IL1RAPL2: variants seen among roughly 807,000 people sequenced by gnomAD.
The protein encoded by IL1RAPL2 is interleukin 1 receptor accessory protein like 2.
In IL1RAPL2, 3 loss-of-function variants were observed where a neutral mutation model predicts 44.1. The observed-to-expected ratio is 0.07, with a 90% CI of 0.03 to 0.18. IL1RAPL2 has a LOEUF of 0.18. Among genes scored for constraint, IL1RAPL2 ranks in the 10% least tolerant of loss-of-function variants. The pLI, the probability that IL1RAPL2 is intolerant of heterozygous loss-of-function variation, is 1.00. For synonymous variants in IL1RAPL2, 181 were observed against 178.8 expected, an observed-to-expected ratio of 1.01 and a Z score of -0.10; for missense variants, 391 against 496.4, an observed-to-expected ratio of 0.79 and a Z score of 2.02.
At chrX:104,594,639 AAT>A (rs767735396) in intron 1 of IL1RAPL2, among the ~76,000 whole-genome samples, 3 of 112,412 alleles carry the variant, frequency 2.7e-5, no homozygotes, top group South Asian at 7.4e-4. Flanking sequence ...TAAATAAATA[AAT>A]ATGTTATTAC....
intron 6 of IL1RAPL2, among the ~76,000 whole-genome samples, chrX:105,588,140 T>C (rs1029969912): frequency 9.0e-6 from 1 of 111,354 alleles, no homozygotes; most frequent in Non-Finnish European, 1.9e-5. Flanking sequence ...ATTAATTTAT[T>C]TCTTCATTAT....
At chrX:105,024,025 C>T (rs746991125) in intron 2 of IL1RAPL2, among the ~76,000 whole-genome samples, 1 of 111,403 alleles carries the variant, frequency 9.0e-6, no homozygotes, top group Non-Finnish European at 1.9e-5. Context: ...AGTTGAAGAA[C>T]TGTATGTAGC....
intron 5 of IL1RAPL2, among the ~76,000 whole-genome samples, chrX:105,330,890 A>C (rs1237761077): frequency 3.6e-5 from 4 of 111,538 alleles, no homozygotes; most frequent in African/African-American, 1.3e-4. Flanking sequence ...TCCACATTGC[A>C]ACCAGAAATA....
intron 2 of IL1RAPL2, among the ~76,000 whole-genome samples, chrX:104,840,397 G>T (rs1004662642): frequency 1.8e-5 from 2 of 111,899 alleles, no homozygotes; most frequent in Non-Finnish European, 3.8e-5. Flanking sequence ...TTAATCCTGT[G>T]TTCTAATTTG....
intron 2 of IL1RAPL2, among the ~76,000 whole-genome samples, chrX:104,931,482 G>T (rs894761385): frequency 9.1e-6 from 1 of 110,142 alleles, no homozygotes; most frequent in Admixed American, 9.8e-5. Flanking sequence ...ATTGGAGAAG[G>T]TTAGAAAGAT....
intron 6 of IL1RAPL2, among the ~76,000 whole-genome samples, chrX:105,640,797 TAGAGAG>T (rs1156976472): frequency 7.1e-5 from 6 of 85,014 alleles, no homozygotes; most frequent in Non-Finnish European, 1.2e-4. Flanking sequence ...TAGATATAGA[TAGAGAG>T]AGAGACCGAG....
intron 5 of IL1RAPL2, among the ~76,000 whole-genome samples, chrX:105,352,095 A>G (rs1239810971): frequency 9.7e-6 from 1 of 102,796 alleles, no homozygotes; most frequent in Non-Finnish European, 1.9e-5. Flanking sequence ...GCTAATTTAA[A>G]AAACAATTTT....
chrX:105,542,007 C>T (rs919233187), intron 6 of IL1RAPL2, among the ~76,000 whole-genome samples: 1 of 111,696 alleles, frequency 9.0e-6, no homozygotes, highest in Non-Finnish European at 1.9e-5. Context: ...TCTGCACATC[C>T]ACTGATTCTT....
chrX:104,896,453 A>G (rs1391828737), intron 2 of IL1RAPL2, among the ~76,000 whole-genome samples: 1 of 111,325 alleles, frequency 9.0e-6, no homozygotes, highest in Non-Finnish European at 1.9e-5. Context: ...TCATCACCCA[A>G]TTCCCAACAG....
chrX:105,586,698 C>T (rs2037131191), intron 6 of IL1RAPL2, among the ~76,000 whole-genome samples: 1 of 111,943 alleles, frequency 8.9e-6, no homozygotes, highest in South Asian at 3.7e-4. Flanking sequence ...TTTCTGCCTG[C>T]TCCATTTTGG....
intron 4 of IL1RAPL2, among the ~76,000 whole-genome samples, chrX:105,265,125 A>G (rs893993553): frequency 1.8e-5 from 2 of 112,318 alleles, no homozygotes; most frequent in African/African-American, 6.5e-5. Flanking sequence ...AATTAATTGC[A>G]TATGGACTTT....
intron 5 of IL1RAPL2, among the ~76,000 whole-genome samples, chrX:105,371,336 G>T (rs1569430444): frequency 9.0e-6 from 1 of 111,494 alleles, no homozygotes; most frequent in East Asian, 2.8e-4. Flanking sequence ...TATTTCCTAG[G>T]TTTTCTTCTA....
Position 105,037,541 on chromosome X carries a change from T to C in IL1RAPL2, c.83-157934T>C, listed in dbSNP as rs556634319. Among the ~76,000 whole-genome samples, 57 of 110,973 alleles carry C rather than the reference T, an allele frequency of 5.1e-4. No homozygotes were observed. The South Asian group carries it at 0.021, about 41-fold the overall frequency. ...GTCAATAGGCCAGGCTTCAAATTATTACCTTGCTGAAATCTTCACAGCAGC... is the reference window on the plus strand; with the variant it reads ...GTCAATAGGCCAGGCTTCAAATTATCACCTTGCTGAAATCTTCACAGCAGC... On this transcript the variant is annotated intron_variant, in intron 2 of 10. Coordinates refer to ENST00000372582, the MANE Select transcript of IL1RAPL2 (RefSeq NM_017416.2).
chrX:105,161,773 G>A (rs745886407), intron 2 of IL1RAPL2, among the ~76,000 whole-genome samples: 1 of 111,595 alleles, frequency 9.0e-6, no homozygotes, highest in Non-Finnish European at 1.9e-5. Flanking sequence ...TCTGCCACTC[G>A]AATCTCACTA....
chrX:105,064,142 C>T (rs184507754), intron 2 of IL1RAPL2, among the ~76,000 whole-genome samples: 2 of 112,255 alleles, frequency 1.8e-5, no homozygotes, highest in African/African-American at 6.5e-5. Flanking sequence ...GATAAGTTAC[C>T]CCAGGACTCA....
intron 5 of IL1RAPL2, among the ~76,000 whole-genome samples, chrX:105,291,615 C>T (rs769547385): frequency 9.0e-6 from 1 of 111,505 alleles, no homozygotes; most frequent in Non-Finnish European, 1.9e-5. Flanking sequence ...AAGATCCAAA[C>T]AATAAAAATA....
chrX:105,261,728 G>A (rs892284492), intron 4 of IL1RAPL2, among the ~76,000 whole-genome samples: 2 of 111,477 alleles, frequency 1.8e-5, no homozygotes, highest in African/African-American at 6.5e-5. Context: ...TTGTCTTTGG[G>A]TTTCCCTAGA....
At chrX:104,947,109 T>C (rs1422774653) in intron 2 of IL1RAPL2, among the ~76,000 whole-genome samples, 5 of 111,752 alleles carry the variant, frequency 4.5e-5, no homozygotes, top group Non-Finnish European at 9.4e-5. Context: ...ATCACCATTC[T>C]AACTGGTGTG....
chrX:104,602,182 G>A (rs1928896974), intron 1 of IL1RAPL2, among the ~76,000 whole-genome samples: 1 of 111,504 alleles, frequency 9.0e-6, no homozygotes, highest in Non-Finnish European at 1.9e-5. Flanking sequence ...CCCATGGAGG[G>A]TGAGCCGAAG....
Sources: gnomAD v4.1 joint callset for allele counts (sites outside exome capture counted in the v4.1 genomes callset) on GRCh38, gnomAD v4.1.1 for gene constraint, MANE v1.5 for transcripts, NCBI Gene and HGNC (gene_info 2026-07-23, HGNC 2026-07-21) for gene names.